The following CNTRL variants were observed in gnomAD, a reference collection of about 807,000 sequenced individuals.
CNTRL encodes 110 kDa centrosomal protein.
Under a neutral mutation model 303.7 loss-of-function variants are expected in CNTRL, and 233 were observed. The observed-to-expected ratio is 0.77, with a 90% confidence interval of 0.69 to 0.86. The LOEUF (loss-of-function observed/expected upper bound fraction) is 0.86. Among genes scored for constraint, CNTRL ranks in the 40% least tolerant of loss-of-function variants. The pLI is 0.00. For synonymous variants in CNTRL, 900 were observed against 922.2 expected (o/e 0.98, Z 0.44); for missense variants, 2,524 against 2,650.6 (o/e 0.95, Z 1.05).
In CNTRL at chr9:121,107,831, GA is replaced by G. The variant is rs750317819; in HGVS notation, c.845del (p.Lys282ArgfsTer2). On this transcript the variant is annotated frameshift_variant, in exon 8 of 44. Coordinates refer to ENST00000373855, the MANE Select transcript of CNTRL (RefSeq NM_007018.6). LOFTEE classifies it high-confidence loss of function. ...EEVERLERDL[E>X]KKMIETEELK... is the part of the protein sequence containing the mutation. Reference sequence around the variant, plus strand: ...GGTAGAAAGACTGGAAAGAGACCTAGAAAAAAAGATGATAGAAACTGAAGAG... The same window carrying G: ...GGTAGAAAGACTGGAAAGAGACCTAGAAAAAAGATGATAGAAACTGAAGAG... 2 of 1,587,832 alleles carry G rather than the reference GA, an allele frequency of 1.3e-6. No homozygotes were observed. Among genetic ancestry groups the G allele is most frequent in the South Asian group, 1.2e-5 (1 of 85,276 alleles).
At chr9:121,104,511 A>T (rs531098313) in intron 7 of CNTRL, among the ~76,000 whole-genome samples, 138 of 152,274 alleles carry the variant, frequency 9.1e-4, no homozygotes, top group African/African-American at 3.2e-3. Flanking sequence ...CCTAGAACTT[A>T]AAGTATAATT....
chr9:121,143,785 G>A, intron 19 of CNTRL, 118 bp from the exon 20 acceptor site: 2 of 666,794 alleles, frequency 3.0e-6, no homozygotes, highest in Non-Finnish European at 5.1e-6. Context: ...AGTACCTCCT[G>A]TGTATCAAGT....
intron 36 of CNTRL, among the ~76,000 whole-genome samples, chr9:121,166,417 G>A (rs982915676): frequency 8.5e-5 from 13 of 152,296 alleles, no homozygotes; most frequent in African/African-American, 2.9e-4. Context: ...AGTAAGTAGG[G>A]TGGTGGCTAG....
At chr9:121,158,149 A>G in intron 30 of CNTRL, 40 bp downstream of exon 30, 1 of 1,600,724 alleles carries the variant, frequency 6.2e-7, no homozygotes, top group Non-Finnish European at 8.5e-7. Context: ...CTGACACAGC[A>G]CTTTATGATT....
In CNTRL at chr9:121,145,247, C is replaced by T. The variant is rs774996573; in HGVS notation, c.3172C>T (p.Arg1058Ter). ...TATGTGTAATTTTTTTAAATAGTTT[C>T]GACTTGAGATGGAGAAAACAGGTGT... Reference protein sequence around the residue: ...NLLRQKGEQFRLEMEKTGVGT... With the variant: ...NLLRQKGEQF The change falls in exon 22 of 44, where the codon CGA (arginine) becomes TGA (stop). Residue 1058 changes from arginine (R) to a stop codon, truncating the protein, a stop_gained. Coordinates refer to ENST00000373855, the MANE Select transcript of CNTRL (RefSeq NM_007018.6). LOFTEE classifies it high-confidence loss of function. 34 of 1,599,198 alleles carry T rather than the reference C, an allele frequency of 2.1e-5. No homozygotes were observed. The highest frequency in any genetic ancestry group is 2.4e-5 in the Non-Finnish European group (28 of 1,176,384).
At chr9:121,163,995 G>C (rs2052980375) in intron 34 of CNTRL, among the ~76,000 whole-genome samples, 1 of 151,712 alleles carries the variant, frequency 6.6e-6, no homozygotes, top group African/African-American at 2.4e-5. Context: ...CTCTTGAGTA[G>C]CTGGGACTAC....
At chr9:121,146,029 C>G (rs908041810) in intron 22 of CNTRL, 79 bp from the exon 23 acceptor site, 8 of 1,298,074 alleles carry the variant, frequency 6.2e-6, no homozygotes, top group Admixed American at 2.7e-5. Context: ...TTAATTGGCT[C>G]TCTTAGAATC....
rs558880356 is a variant in CNTRL, at chr9:121,157,860, G to C, written c.4617G>C (p.Lys1539Asn). 3.7e-6 allele frequency: 6 copies of C among 1,614,008 alleles called. No individual in the cohort carries two copies. In the South Asian group the frequency reaches 6.6e-5, roughly 18 times the overall value. ...KDSDFQCLSKKKEKLTEELQK... is the reference protein window; with the variant it reads ...KDSDFQCLSKNKEKLTEELQK... ...CAGACTTCCAATGTTTAAGCAAGAA[G>C]AAGGAAAAACTGACAGAAGAGTAAG... is the stretch of plus-strand genomic sequence containing the variant. The change falls in exon 29 of 44, where the codon AAG (lysine) becomes AAC (asparagine). Residue 1539 changes from lysine to asparagine, a missense_variant. Lys to Asn is a moderately conservative substitution (Grantham distance 94, BLOSUM62 0). Coordinates refer to ENST00000373855, the MANE Select transcript of CNTRL (RefSeq NM_007018.6).
chr9:121,175,316 G>A, intron 43 of CNTRL, 92 bp downstream of exon 43: 1 of 1,129,448 alleles, frequency 8.9e-7, no homozygotes, highest in South Asian at 1.3e-5. Flanking sequence ...GCCCAGGCTG[G>A]AGTGCATTGG....
intron 12 of CNTRL, among the ~76,000 whole-genome samples, chr9:121,119,063 G>A (rs1320672692): frequency 6.9e-6 from 1 of 145,322 alleles, no homozygotes; most frequent in African/African-American, 2.5e-5. Flanking sequence ...ATATATATGT[G>A]TATTATACAT....
At position 121,158,049 on chromosome 9, in the gene CNTRL, T is replaced by G. The variant is rs147912772; in HGVS notation, c.4704T>G (p.Leu1568=). The change falls in exon 30 of 44, where the codon CTT becomes CTG. Residue 1568 remains leucine, a synonymous_variant. Transcript: ENST00000373855. ...ERNEDHHLQV[L]KESEVLLQAK... Reference sequence around the variant, plus strand: ...ATGAGGATCACCACCTGCAGGTCCTTAAAGAATCTGAGGTGCTTCTTCAGG... The same window carrying G: ...ATGAGGATCACCACCTGCAGGTCCTGAAAGAATCTGAGGTGCTTCTTCAGG... The G allele has an allele frequency of 6.2e-7, 1 of 1,614,086 alleles. No homozygotes were observed. Among genetic ancestry groups the G allele is most frequent in the East Asian group, 2.2e-5 (1 of 44,878 alleles).
At chr9:121,162,381 C>T in intron 34 of CNTRL, 110 bp downstream of exon 34, 2 of 855,210 alleles carry the variant, frequency 2.3e-6, no homozygotes, top group Non-Finnish European at 3.7e-6. Context: ...ACACCACAAA[C>T]TTGGTATCAT....
At position 121,143,967 on chromosome 9, in the gene CNTRL, T is replaced by C; in HGVS notation, c.2936T>C (p.Leu979Pro). 6.2e-7 allele frequency: 1 copy of C among 1,613,614 alleles called. No individual in the cohort carries two copies. Among genetic ancestry groups the C allele is most frequent in the Non-Finnish European group, 8.5e-7 (1 of 1,179,814 alleles). The change falls in exon 20 of 44, where the codon CTA (leucine) becomes CCA (proline). Residue 979 changes from leucine to proline, a missense_variant. Leu to Pro is a moderately conservative substitution (Grantham distance 98). Coordinates refer to ENST00000373855, the MANE Select transcript of CNTRL (RefSeq NM_007018.6). ...VFGLDKELKKLKKAVATSDKL... is the reference protein window; with the variant it reads ...VFGLDKELKKPKKAVATSDKL... ...GGTTTAGATAAAGAACTGAAGAAACTAAAGAAAGCCGTGGCCACCTCTGAT... is the reference window on the plus strand; with the variant it reads ...GGTTTAGATAAAGAACTGAAGAAACCAAAGAAAGCCGTGGCCACCTCTGAT...
rs1344074088 is a variant in CNTRL, at chr9:121,121,990, AGG to A, written c.1651-1940_1651-1939del. The A allele has an allele frequency of 2.1e-5, 19 of 907,534 alleles. No individual in the cohort carries two copies. The East Asian group carries it at 2.3e-3, about 108-fold the overall frequency. 56.2% of individuals were successfully genotyped at this position (907,534 alleles called of 1,614,324 possible). A position where few individuals can be genotyped will look rare whatever the true frequency, so the allele number is the denominator to read the frequency against. ...TCTCTCTCTGTACAAAGGACTTAAA[AGG>A]AGGAGGAGTCAGAGATGTAAGTTCC... On this transcript the variant is annotated intron_variant, in intron 12 of 43. Coordinates refer to ENST00000373855, the MANE Select transcript of CNTRL (RefSeq NM_007018.6).
chr9:121,176,441 G>A (rs1271040250), intron 43 of CNTRL, among the ~76,000 whole-genome samples: 1 of 152,184 alleles, frequency 6.6e-6, no homozygotes, highest in East Asian at 1.9e-4. Context: ...ATCTGTGGTG[G>A]ACCCAGTCAG....
At chr9:121,104,089 G>A (rs1020929581) in intron 7 of CNTRL, among the ~76,000 whole-genome samples, 10 of 152,088 alleles carry the variant, frequency 6.6e-5, no homozygotes, top group Non-Finnish European at 1.5e-4. Flanking sequence ...TGTTTATTGC[G>A]GCACTATTCA....
rs2053229099 is a variant in CNTRL at position 121,169,729 on chromosome 9, G to C, written c.6189G>C (p.Leu2063Phe). Residue 2063 changes from leucine to phenylalanine, a missense_variant, in exon 39 of 44, where the codon TTG (leucine) becomes TTC (phenylalanine). Physicochemically the swap from Leu to Phe is conservative, Grantham distance 22. Transcript: ENST00000373855. ...TCAGCCTTCTGCGGAACCAGTTCTT[G>C]ACAGAAAGAAAGAAAGCTGAGAAGC... ...ADFSLLRNQF[L>F]TERKKAEKQV... is the part of the protein sequence containing the mutation. 1 of 1,614,076 alleles carries C rather than the reference G, an allele frequency of 6.2e-7. No individual in the cohort carries two copies. Among genetic ancestry groups the C allele is most frequent in the Admixed American group, 1.7e-5 (1 of 59,998 alleles).
intron 34 of CNTRL, 71 bp from the exon 35 acceptor site, chr9:121,164,872 A>T: frequency 8.2e-7 from 1 of 1,212,128 alleles, no homozygotes; most frequent in Non-Finnish European, 1.2e-6. Context: ...TTGTGAAAGG[A>T]TAACACTGTT....
Position 121,171,544 on chromosome 9 carries a change from A to T in CNTRL, c.6413A>T (p.Lys2138Ile), listed in dbSNP as rs2053305292. The T allele has an allele frequency of 6.2e-7, 1 of 1,613,302 alleles. No homozygotes were observed. The change falls in exon 40 of 44, where the codon AAA (lysine) becomes ATA (isoleucine). Residue 2138 changes from lysine (K) to isoleucine (I), a missense_variant. By Grantham distance (102) the Lys-to-Ile change is moderately radical (BLOSUM62 -3). Coordinates refer to ENST00000373855, the MANE Select transcript of CNTRL (RefSeq NM_007018.6). ...QMQYEYTELK[K>I]QMANQKDLER... is the part of the protein sequence containing the mutation. ...CAGTATGAGTACACGGAGCTCAAGAAACAGGTGTGTGCCCAGAAAGCCCAG... is the reference window on the plus strand; with the variant it reads ...CAGTATGAGTACACGGAGCTCAAGATACAGGTGTGTGCCCAGAAAGCCCAG...
Sources: allele counts gnomAD v4.1 joint callset (sites outside exome capture counted in the v4.1 genomes callset), GRCh38; gene constraint gnomAD v4.1.1; transcripts MANE v1.5; gene names NCBI Gene and HGNC (gene_info 2026-07-23, HGNC 2026-07-21).